CYP4F22: variants seen among roughly 807,000 people sequenced by gnomAD.
The protein encoded by CYP4F22 is ultra-long-chain fatty acid omega-hydroxylase.
In CYP4F22, 37 loss-of-function variants were observed where a neutral mutation model predicts 60.4. The observed-to-expected ratio is 0.61, with a 90% CI of 0.47 to 0.81. The LOEUF is 0.81. Among genes scored for constraint, CYP4F22 ranks in the 30% least tolerant of loss-of-function variants. The pLI, the probability that CYP4F22 is intolerant of heterozygous loss-of-function variation, is 0.00. For synonymous variants in CYP4F22, 258 were observed against 280.5 expected (o/e 0.92, Z 0.80); for missense variants, 655 against 715.0 (o/e 0.92, Z 0.96).
At chr19:15,538,072 G>A in intron 7 of CYP4F22, 79 bp downstream of exon 7, 2 of 1,595,952 alleles carry the variant, frequency 1.3e-6, no homozygotes, top group Non-Finnish European at 1.7e-6. Flanking sequence ...GAACTCCCAG[G>A]CATTAGACAA....
chr19:15,537,303 A>G, intron 4 of CYP4F22, 58 bp from the exon 5 acceptor site: 5 of 1,610,254 alleles, frequency 3.1e-6, no homozygotes, highest in Non-Finnish European at 4.2e-6. Context: ...TCCGTAAAAA[A>G]AAACAAAAAA....
intron 4 of CYP4F22, among the ~76,000 whole-genome samples, chr19:15,536,568 G>A (rs1026506337): frequency 6.6e-6 from 1 of 152,154 alleles, no homozygotes; most frequent in Non-Finnish European, 1.5e-5. Flanking sequence ...TGGAGAGGGT[G>A]AGGCTGGAGG....
chr19:15,532,780 A>C (rs538842786), intron 4 of CYP4F22, among the ~76,000 whole-genome samples: 24 of 152,200 alleles, frequency 1.6e-4, no homozygotes, highest in African/African-American at 5.5e-4. Flanking sequence ...CAGACCGAGG[A>C]GTAGTGCCCC....
rs182936557 is a variant in CYP4F22, at chr19:15,518,089, C to A, written c.-108-5604C>A. ...AGGTGACTCATGCCTAGAATCCCAG[C>A]ACTTTGGAAAGCTGAGGTGGGAGGA... On this transcript the variant is annotated intron_variant, in intron 1 of 13. Transcript: ENST00000269703. Among the ~76,000 whole-genome samples, 9 of 152,226 alleles carry A rather than the reference C, an allele frequency of 5.9e-5. No individual in the cohort carries two copies. The East Asian group carries it at 1.7e-3, about 29-fold the overall frequency.
chr19:15,529,840 T>A lies in CYP4F22; in HGVS notation c.354T>A (p.Leu118=). 6.2e-7 allele frequency: 1 copy of A among 1,614,062 alleles called. No homozygotes were observed. Among genetic ancestry groups the A allele is most frequent in the Non-Finnish European group, 8.5e-7 (1 of 1,180,018 alleles). Residue 118 remains leucine, a synonymous_variant, in exon 4 of 14, where the codon CTT becomes CTA. Transcript: ENST00000269703. ...TGCACCCTGATTACATCAAACCCCT[T>A]TTGGGAGCCTCAGGTACGTGGGCTG... The part of the protein sequence containing the change: ...VLVHPDYIKP[L]LGASAAIAPK...
chr19:15,530,623 G>T (rs1386485291), intron 4 of CYP4F22, among the ~76,000 whole-genome samples: 1 of 152,078 alleles, frequency 6.6e-6, no homozygotes. Flanking sequence ...CGCAGGGCTG[G>T]GGAGGCCTCA....
chr19:15,540,427 A>G, intron 7 of CYP4F22, 23 bp from the exon 8 acceptor site: 1 of 1,614,020 alleles, frequency 6.2e-7, no homozygotes, highest in Non-Finnish European at 8.5e-7. Context: ...GGCTACACTC[A>G]TGGATCCCCT....
At chr19:15,509,323 C>G (rs1205394940) in intron 1 of CYP4F22, among the ~76,000 whole-genome samples, 2 of 152,266 alleles carry the variant, frequency 1.3e-5, no homozygotes, top group South Asian at 4.1e-4. Flanking sequence ...GGCCTAGGCT[C>G]AGGGCATCTC....
chr19:15,521,231 C>CTT lies in CYP4F22; in HGVS notation c.-108-2445_-108-2444dup, dbSNP rs58365952. Among the ~76,000 whole-genome samples the CTT allele has an allele frequency of 3.4e-4, 37 of 110,206 alleles. 1 individual carries two copies. Among genetic ancestry groups the CTT allele is most frequent in the African/African-American group, 1.0e-3 (30 of 29,468 alleles). 72.3% of individuals were successfully genotyped at this position (110,206 alleles called of 152,430 possible). ...TGGTGGGTACTTGGGTTACTTCCAC[C>CTT]TTTTTTTTTTTTTTTTTTGAGACGG... On this transcript the variant is annotated intron_variant, in intron 1 of 13. Transcript: ENST00000269703.
chr19:15,513,361 A>ATATT (rs1343666419), intron 1 of CYP4F22, among the ~76,000 whole-genome samples: 2 of 121,286 alleles, frequency 1.6e-5, no homozygotes, highest in African/African-American at 3.4e-5. Flanking sequence ...ATATATATAT[A>ATATT]TTTTTTTTTT....
rs1971386866 is a variant in CYP4F22, at chr19:15,535,636, TCCATCCACCATCCAC to T, written c.368-1717_368-1703del. 2.0e-5 allele frequency among the ~76,000 whole-genome samples: 3 copies of T among 152,008 alleles called. No homozygotes were observed. In the South Asian group the frequency reaches 6.2e-4, roughly 32 times the overall value. ...ATTCATCCATCCATCCACTCATCCATCCATCCACCATCCACCCATCCATCCATTCATCCATCCATC... is the reference window on the plus strand; with the variant it reads ...ATTCATCCATCCATCCACTCATCCATCCATCCATCCATTCATCCATCCATC... On this transcript the variant is annotated intron_variant, in intron 4 of 13. Transcript: ENST00000269703.
intron 1 of CYP4F22, among the ~76,000 whole-genome samples, chr19:15,523,344 G>A (rs1453110342): frequency 6.6e-6 from 1 of 152,106 alleles, no homozygotes; most frequent in Non-Finnish European, 1.5e-5. Context: ...TGGGCAACAA[G>A]AGCAAGACTC....
At chr19:15,515,411 C>CA in intron 1 of CYP4F22, 1 of 1,212,396 alleles carries the variant, frequency 8.2e-7, no homozygotes, top group African/African-American at 1.5e-5. Context: ...TGGTCCAACT[C>CA]AGACAGCAAC....
At chr19:15,515,490 C>T (rs1041782669) in intron 1 of CYP4F22, 13 of 707,954 alleles carry the variant, frequency 1.8e-5, no homozygotes, top group East Asian at 7.2e-5. Context: ...TTTGGGAGGC[C>T]GAGGTGGATG....
intron 1 of CYP4F22, among the ~76,000 whole-genome samples, chr19:15,510,955 TATATATATA>T (rs1238826653): frequency 1.7e-5 from 2 of 115,504 alleles, no homozygotes; most frequent in Non-Finnish European, 3.4e-5. Flanking sequence ...CATATATATA[TATATATATA>T]TATTTTTTTT....
chr19:15,515,885 G>T (rs559575339), intron 1 of CYP4F22, among the ~76,000 whole-genome samples: 13 of 151,900 alleles, frequency 8.6e-5, no homozygotes, highest in African/African-American at 3.1e-4. Context: ...CACCACGTCC[G>T]GCTAATTTTT....
chr19:15,533,433 G>A (rs1255063720), intron 4 of CYP4F22, among the ~76,000 whole-genome samples: 4 of 151,906 alleles, frequency 2.6e-5, no homozygotes, highest in Admixed American at 2.0e-4. Context: ...CCATCCGCTG[G>A]TAACCTCGAA....
In CYP4F22 at chr19:15,551,987, G is replaced by A. The variant is rs998131450; in HGVS notation, c.*516G>A. On this transcript the variant is annotated 3_prime_UTR_variant, in exon 14 of 14. Coordinates refer to ENST00000269703, the MANE Select transcript of CYP4F22 (RefSeq NM_173483.4). ...CTTTTAACTCGGACATCACCCTCCT[G>A]AGGCCCTCAGCTCATACGGGCAGAC... The A allele has an allele frequency of 2.5e-5, 4 of 162,168 alleles. No homozygotes were observed. The highest frequency in any genetic ancestry group is 5.3e-5 in the Non-Finnish European group (4 of 74,962). 10.0% of individuals were successfully genotyped at this position (162,168 alleles called of 1,614,324 possible).
chr19:15,522,134 A>G (rs1971233317), intron 1 of CYP4F22, among the ~76,000 whole-genome samples: 1 of 149,730 alleles, frequency 6.7e-6, no homozygotes, highest in African/African-American at 2.5e-5. Flanking sequence ...AACAAAAGCG[A>G]AACTTTGTCT....
Sources: allele counts gnomAD v4.1 joint callset (sites outside exome capture counted in the v4.1 genomes callset), GRCh38; gene constraint gnomAD v4.1.1; transcripts MANE v1.5; gene names NCBI Gene and HGNC (gene_info 2026-07-23, HGNC 2026-07-21).